The following KCNMA1 variants were observed in gnomAD, a reference collection of about 807,000 sequenced individuals.
KCNMA1 encodes the protein Calcium-activated potassium channel subunit alpha-1.
KCNMA1 carries 29 observed loss-of-function variants against 140.0 expected under a neutral mutation model. That is an observed-to-expected ratio of 0.21 (90% CI 0.15 to 0.28). The LOEUF (loss-of-function observed/expected upper bound fraction) is 0.28, where lower values mean the gene tolerates loss of function less well. KCNMA1 is among the 10% of genes least tolerant of loss of function. The probability of loss-of-function intolerance (pLI) is 1.00; values close to 1 mark genes in which losing one functional copy is unlikely to be tolerated. For synonymous variants in KCNMA1, 612 were observed against 611.9 expected, an observed-to-expected ratio of 1.00 and a Z score of 0.00; for missense variants, 880 against 1,602.2, an observed-to-expected ratio of 0.55 and a Z score of 7.70.
At chr10:77,168,600 C>T (rs916701042) in intron 5 of KCNMA1, among the ~76,000 whole-genome samples, 4 of 152,150 alleles carry the variant, frequency 2.6e-5, no homozygotes, top group Non-Finnish European at 5.9e-5. Flanking sequence ...TATGGGACCA[C>T]CATTGCATAT....
intron 2 of KCNMA1, among the ~76,000 whole-genome samples, chr10:77,346,986 G>A (rs772656459): frequency 1.8e-4 from 28 of 152,168 alleles, no homozygotes; most frequent in Admixed American, 7.9e-4. Flanking sequence ...GAAGAGGAAG[G>A]GGGAAAGTGT....
intron 6 of KCNMA1, among the ~76,000 whole-genome samples, chr10:77,118,289 G>T (rs1277647281): frequency 6.6e-6 from 1 of 152,210 alleles, no homozygotes; most frequent in East Asian, 1.9e-4. Flanking sequence ...CAAAAGCCAA[G>T]GCTGCACTTT....
At chr10:77,430,068 G>A (rs150528815) in intron 1 of KCNMA1, among the ~76,000 whole-genome samples, 289 of 152,242 alleles carry the variant, frequency 1.9e-3, no homozygotes, top group African/African-American at 6.6e-3. Flanking sequence ...AAAATCTTGG[G>A]ACCCTCAACT....
At chr10:77,314,801 C>T (rs1160911018) in intron 2 of KCNMA1, among the ~76,000 whole-genome samples, 1 of 152,104 alleles carries the variant, frequency 6.6e-6, no homozygotes, top group Non-Finnish European at 1.5e-5. Context: ...ATTTCATCAT[C>T]CCTGCCCTCT....
intron 18 of KCNMA1, among the ~76,000 whole-genome samples, chr10:77,011,297 G>A (rs374545861): frequency 2.6e-5 from 4 of 152,142 alleles, no homozygotes; most frequent in Admixed American, 6.5e-5. Flanking sequence ...TCTTTCTCAA[G>A]AGGCCCCAGT....
At position 77,000,110 on chromosome 10, in the gene KCNMA1, G is replaced by A. The variant is rs187867844; in HGVS notation, c.2266+1297C>T. 1.3e-4 allele frequency among the ~76,000 whole-genome samples: 20 copies of A among 152,214 alleles called. No individual in the cohort carries two copies. The East Asian group carries it at 3.5e-3, about 26-fold the overall frequency. ...GCTCAGTGATCTTCTTCCTCCTGTCGTCAGTGTACACCTACCCCTGCTAGG... is the reference window on the plus strand; with the variant it reads ...GCTCAGTGATCTTCTTCCTCCTGTCATCAGTGTACACCTACCCCTGCTAGG... On this transcript the variant is annotated intron_variant, in intron 19 of 27. Coordinates refer to ENST00000286628, the MANE Select transcript of KCNMA1 (RefSeq NM_001161352.2).
At chr10:77,525,125 A>C (rs1299399902) in intron 1 of KCNMA1, among the ~76,000 whole-genome samples, 1 of 152,268 alleles carries the variant, frequency 6.6e-6, no homozygotes, top group Non-Finnish European at 1.5e-5. Context: ...CAATGTATAC[A>C]CATTAAAATA....
chr10:77,468,256 T>C (rs1208944632), intron 1 of KCNMA1, among the ~76,000 whole-genome samples: 1 of 152,128 alleles, frequency 6.6e-6, no homozygotes, highest in Non-Finnish European at 1.5e-5. Flanking sequence ...GGGGATTCTG[T>C]CAGAACCAGG....
chr10:77,390,665 A>T (rs1336308944), intron 2 of KCNMA1, among the ~76,000 whole-genome samples: 1 of 152,190 alleles, frequency 6.6e-6, no homozygotes, highest in African/African-American at 2.4e-5. Context: ...TCTCCAACCA[A>T]GGCAGACACA....
chr10:77,025,466 C>G, intron 16 of KCNMA1: 1 of 1,598,536 alleles, frequency 6.3e-7, no homozygotes, highest in Non-Finnish European at 8.5e-7. Context: ...TTCTGCAAAA[C>G]GACAAGAAAA....
intron 3 of KCNMA1, among the ~76,000 whole-genome samples, chr10:77,198,567 T>TTATATA (rs2041399594): frequency 1.8e-5 from 1 of 54,234 alleles, no homozygotes; most frequent in South Asian, 9.1e-4. Context: ...CATATATATG[T>TTATATA]GATATATATA....
At chr10:76,985,950 T>A (rs551556728) in intron 19 of KCNMA1, among the ~76,000 whole-genome samples, 1 of 152,212 alleles carries the variant, frequency 6.6e-6, no homozygotes, top group Non-Finnish European at 1.5e-5. Flanking sequence ...CTCTAAAGAA[T>A]AGATGTATGC....
intron 2 of KCNMA1, among the ~76,000 whole-genome samples, chr10:77,382,857 C>T (rs1430500335): frequency 1.1e-5 from 1 of 88,984 alleles, no homozygotes; most frequent in African/African-American, 4.7e-5. Context: ...AAGAGCAAAG[C>T]TCCGTCTCAA....
At chr10:77,573,847 T>C (rs1174800042) in intron 1 of KCNMA1, among the ~76,000 whole-genome samples, 1 of 150,816 alleles carries the variant, frequency 6.6e-6, no homozygotes, top group Non-Finnish European at 1.5e-5. Context: ...TTTTTTTTTT[T>C]TTTTTTCTGA....
At chr10:76,963,502 C>G (rs1220782259) in intron 20 of KCNMA1, among the ~76,000 whole-genome samples, 1 of 152,184 alleles carries the variant, frequency 6.6e-6, no homozygotes, top group Non-Finnish European at 1.5e-5. Flanking sequence ...CAACAACACA[C>G]AGATTATAAG....
chr10:77,612,495 G>A (rs562679297), intron 1 of KCNMA1, among the ~76,000 whole-genome samples: 18 of 152,220 alleles, frequency 1.2e-4, no homozygotes, highest in East Asian at 3.9e-4. Context: ...GGTTCATTGC[G>A]CTCCATTTCC....
At chr10:77,604,852 G>A (rs916775964) in intron 1 of KCNMA1, among the ~76,000 whole-genome samples, 2 of 152,164 alleles carry the variant, frequency 1.3e-5, no homozygotes, top group African/African-American at 4.8e-5. Context: ...GGCTCACCTG[G>A]AAATGCAGGT....
At chr10:77,522,615 G>A (rs568702149) in intron 1 of KCNMA1, among the ~76,000 whole-genome samples, 2 of 152,298 alleles carry the variant, frequency 1.3e-5, no homozygotes, top group South Asian at 2.1e-4. Flanking sequence ...GCTGGCAGGG[G>A]GGCCGGATAC....
chr10:77,632,723 G>C (rs1567990128), intron 1 of KCNMA1, among the ~76,000 whole-genome samples: 1 of 152,104 alleles, frequency 6.6e-6, no homozygotes, highest in Non-Finnish European at 1.5e-5. Context: ...CGCCCTTCAG[G>C]GGCTATAAGT....
Sources: allele counts gnomAD v4.1 joint callset (sites outside exome capture counted in the v4.1 genomes callset), GRCh38; gene constraint gnomAD v4.1.1; transcripts MANE v1.5; gene names NCBI Gene and HGNC (gene_info 2026-07-23, HGNC 2026-07-21).